Variants in NTM observed in about 807,000 individuals in gnomAD.
NTM encodes IgLON family member 2.
In NTM, 13 loss-of-function variants were observed where a neutral mutation model predicts 42.1. The ratio of observed to expected loss-of-function variants is 0.31; its 90% confidence interval spans 0.20 to 0.49. The LOEUF is 0.49. NTM is among the 20% of genes least tolerant of loss of function. The pLI is 0.99. For missense variants in NTM, 373 were observed against 452.8 expected, an observed-to-expected ratio of 0.82 and a Z score of 1.60; for synonymous variants, 187 against 179.2, an observed-to-expected ratio of 1.04 and a Z score of -0.35.
At position 132,002,554 on chromosome 11, in the gene NTM, G is replaced by A. The variant is rs188161160; in HGVS notation, c.167+90906G>A. Among the ~76,000 whole-genome samples the A allele has an allele frequency of 1.1e-4, 16 of 152,280 alleles. No homozygotes were observed. In the East Asian group the frequency reaches 2.7e-3, roughly 26 times the overall value. On this transcript the variant is annotated intron_variant, in intron 2 of 8. Transcript: ENST00000683400. The surrounding 1 kb of genome is among the most constrained non-coding windows in gnomAD (Gnocchi z 4.5). The stretch of plus-strand genomic sequence containing the variant: ...AGAATGAAATGATGTGTTGGTGTCT[G>A]TCCCCCAAATTGGAGGCTTCTGGCC...
In NTM at chr11:131,437,792, G is replaced by A. The variant is rs181595245; in HGVS notation, c.82+66904G>A. Among the ~76,000 whole-genome samples the A allele has an allele frequency of 6.0e-4, 91 of 152,304 alleles. No individual in the cohort carries two copies. The East Asian group carries it at 9.1e-3, about 15-fold the overall frequency. On this transcript the variant is annotated intron_variant, in intron 1 of 8. Transcript: ENST00000683400. Reference sequence around the variant, plus strand: ...GGCATTTAGCCCATTTACATTTAAGGTTAATATTGTTACATGTGAATTTGA... The same window carrying A: ...GGCATTTAGCCCATTTACATTTAAGATTAATATTGTTACATGTGAATTTGA...
intron 1 of NTM, among the ~76,000 whole-genome samples, chr11:131,825,106 T>C (rs1326869433): frequency 1.3e-5 from 2 of 152,178 alleles, no homozygotes; most frequent in African/African-American, 2.4e-5. Context: ...CCAGGCTTCT[T>C]GTCCAGCTTC....
In NTM at chr11:131,384,685, G is replaced by A. The variant is rs114591381; in HGVS notation, c.82+13797G>A. ...AATACAAACAGGTGGGAGGAGTGGC[G>A]AATCCTGAGAATAGGTACAGAAAGA... On this transcript the variant is annotated intron_variant, in intron 1 of 8. Coordinates refer to ENST00000683400, the MANE Select transcript of NTM (RefSeq NM_001352005.2). Among the ~76,000 whole-genome samples the A allele has an allele frequency of 2.3e-3, 352 of 152,192 alleles. 3 individuals are homozygous for A. The highest frequency in any genetic ancestry group is 7.6e-3 in the African/African-American group (317 of 41,516).
At chr11:131,938,643 G>A (rs1435288885) in intron 2 of NTM, among the ~76,000 whole-genome samples, 1 of 152,212 alleles carries the variant, frequency 6.6e-6, no homozygotes, top group Non-Finnish European at 1.5e-5. Flanking sequence ...TGATGCAAAA[G>A]GTGGGTGGGG....
In NTM at chr11:131,598,687, CTTTCTTTCTTT is replaced by C. The variant is rs1565684880; in HGVS notation, c.82+227800_82+227810del. 1.8e-3 allele frequency among the ~76,000 whole-genome samples: 38 copies of C among 21,216 alleles called. 7 individuals are homozygous for C. The highest frequency in any genetic ancestry group is 0.031 in the Middle Eastern group (1 of 32). The allele number at this position is 21,216 out of a possible 152,430, so 13.9% of individuals were successfully genotyped here. On this transcript the variant is annotated intron_variant, in intron 1 of 8. Transcript: ENST00000683400. ...CTACTACTCTCTTCTCATTTGTTTT[CTTTCTTTCTTT>C]CTTTCTTTCTTTCTTTCTTTCTTTC...
chr11:132,317,338 G>A (rs2095455708), intron 7 of NTM, among the ~76,000 whole-genome samples: 1 of 151,864 alleles, frequency 6.6e-6, no homozygotes, highest in Non-Finnish European at 1.5e-5. Flanking sequence ...GGAAACTTTA[G>A]TCCTTTGTTA....
chr11:131,508,593 T>A (rs1399789651), intron 1 of NTM, among the ~76,000 whole-genome samples: 11 of 148,466 alleles, frequency 7.4e-5, no homozygotes, highest in Admixed American at 1.3e-4. Context: ...CACGTATGTT[T>A]ATTGTGGCAT....
intron 4 of NTM, among the ~76,000 whole-genome samples, chr11:132,269,216 G>C (rs1361811019): frequency 1.3e-5 from 2 of 152,192 alleles, no homozygotes; most frequent in African/African-American, 2.4e-5. Context: ...TTCAACTACC[G>C]TCTGCTTCGT....
At chr11:131,591,343 C>T (rs1436723595) in intron 1 of NTM, among the ~76,000 whole-genome samples, 1 of 152,218 alleles carries the variant, frequency 6.6e-6, no homozygotes, top group Non-Finnish European at 1.5e-5. Context: ...CTGTGCTGTG[C>T]TCAGAGGCCC....
chr11:131,912,079 A>G (rs1391289224), intron 2 of NTM, among the ~76,000 whole-genome samples: 1 of 152,188 alleles, frequency 6.6e-6, no homozygotes, highest in Non-Finnish European at 1.5e-5. Flanking sequence ...CCACTCGCCC[A>G]TGCCATAGGG....
At chr11:132,054,299 A>G (rs1435192895) in intron 2 of NTM, among the ~76,000 whole-genome samples, 1 of 152,222 alleles carries the variant, frequency 6.6e-6, no homozygotes, top group Non-Finnish European at 1.5e-5. Flanking sequence ...GATTTGCTAT[A>G]TAGCCAAGCT....
intron 1 of NTM, among the ~76,000 whole-genome samples, chr11:131,598,987 C>T (rs1008440445): frequency 6.6e-6 from 1 of 150,916 alleles, no homozygotes; most frequent in African/African-American, 2.5e-5. Flanking sequence ...AATCTCAGCT[C>T]ACTTCAACCT....
intron 2 of NTM, among the ~76,000 whole-genome samples, chr11:131,947,416 C>T (rs2060464059): frequency 6.6e-6 from 1 of 152,174 alleles, no homozygotes. Flanking sequence ...GGGAGTTCTG[C>T]ACCCCTGCCA....
intron 2 of NTM, among the ~76,000 whole-genome samples, chr11:131,928,407 TAG>T (rs781028438): frequency 1.9e-4 from 29 of 152,264 alleles, no homozygotes; most frequent in Non-Finnish European, 2.8e-4. Context: ...TAGGCATGTA[TAG>T]AGGATGCTGG....
chr11:132,066,356 T>C (rs2056484332), intron 2 of NTM, among the ~76,000 whole-genome samples: 1 of 152,228 alleles, frequency 6.6e-6, no homozygotes, highest in Non-Finnish European at 1.5e-5. Context: ...GTATTAGAGC[T>C]AGCTGGATAT....
At chr11:131,695,181 A>C (rs2075301583) in intron 1 of NTM, among the ~76,000 whole-genome samples, 1 of 146,666 alleles carries the variant, frequency 6.8e-6, no homozygotes, top group South Asian at 2.4e-4. Context: ...GAAAAGAAAA[A>C]TCTCTGTGAC....
chr11:131,744,901 G>A (rs60319197), intron 1 of NTM, among the ~76,000 whole-genome samples: 4,751 of 152,226 alleles, frequency 0.031, 216 homozygotes, highest in African/African-American at 0.1. Flanking sequence ...GCTGGATACC[G>A]ACTAAATATT....
chr11:131,799,237 GATCC>G (rs1202279726), intron 1 of NTM, among the ~76,000 whole-genome samples: 1 of 151,996 alleles, frequency 6.6e-6, no homozygotes, highest in Non-Finnish European at 1.5e-5. Flanking sequence ...CATCCTATAT[GATCC>G]ATCCTTAGAG....
chr11:132,141,198 C>T (rs1431790466), intron 2 of NTM: 2 of 151,670 alleles, frequency 1.3e-5, no homozygotes, highest in African/African-American at 4.8e-5. Context: ...TTTTTTCTTC[C>T]AATTCCCAGG....
Sources: allele counts gnomAD v4.1 joint callset (sites outside exome capture counted in the v4.1 genomes callset), GRCh38; gene constraint gnomAD v4.1.1; non-coding constraint Gnocchi (gnomAD v3.1); transcripts MANE v1.5; gene names NCBI Gene and HGNC (gene_info 2026-07-23, HGNC 2026-07-21).